Variants in MIX23 observed in about 807,000 individuals in gnomAD.
The protein encoded by MIX23 is mitochondrial matrix import factor 23.
In MIX23, 13 loss-of-function variants were observed where a neutral mutation model predicts 21.6. The ratio of observed to expected loss-of-function variants is 0.60; its 90% CI spans 0.39 to 0.96. MIX23 has a LOEUF of 0.96. Among genes scored for constraint, MIX23 ranks in the 40% least tolerant of loss-of-function variants. The probability of loss-of-function intolerance (pLI) is 0.00; values close to 1 mark genes in which losing one functional copy is unlikely to be tolerated. For missense variants in MIX23, 144 were observed against 171.2 expected, an observed-to-expected ratio of 0.84 and a Z score of 0.89; for synonymous variants, 59 against 58.0, an observed-to-expected ratio of 1.02 and a Z score of -0.08.
At chr3:122,370,761 A>G (rs2075435429) in intron 2 of MIX23, among the ~76,000 whole-genome samples, 1 of 152,222 alleles carries the variant, frequency 6.6e-6, no homozygotes. Flanking sequence ...AATTAGGACT[A>G]GGTCCCATCC....
intron 4 of MIX23, among the ~76,000 whole-genome samples, chr3:122,362,314 A>C (rs2075363811): frequency 6.6e-6 from 1 of 152,222 alleles, no homozygotes; most frequent in Admixed American, 6.5e-5. Flanking sequence ...GAGCTCAAAA[A>C]GGCTAATTTG....
chr3:122,377,778 T>A (rs968608754), intron 1 of MIX23, among the ~76,000 whole-genome samples: 1 of 151,962 alleles, frequency 6.6e-6, no homozygotes, highest in Non-Finnish European at 1.5e-5. Flanking sequence ...AGCCCAGGAG[T>A]TCAAGGTTAC....
chr3:122,381,445 G>C (rs1576241828), intron 1 of MIX23, among the ~76,000 whole-genome samples: 1 of 152,334 alleles, frequency 6.6e-6, no homozygotes, highest in East Asian at 1.9e-4. Flanking sequence ...GAAGAGATAG[G>C]CTGGGCGCCA....
chr3:122,378,838 G>T (rs994090528), intron 1 of MIX23, among the ~76,000 whole-genome samples: 16 of 152,182 alleles, frequency 1.1e-4, no homozygotes, highest in African/African-American at 3.9e-4. Context: ...GCAGACATTA[G>T]CCATGTGAGA....
At chr3:122,372,010 T>C (rs568262367) in intron 1 of MIX23, among the ~76,000 whole-genome samples, 27 of 152,288 alleles carry the variant, frequency 1.8e-4, no homozygotes, top group Non-Finnish European at 3.5e-4. Context: ...GCACCAACTC[T>C]GCCTCCTTGG....
chr3:122,360,613 T>C (rs1363234058), intron 4 of MIX23, among the ~76,000 whole-genome samples: 3 of 152,106 alleles, frequency 2.0e-5, no homozygotes, highest in African/African-American at 4.8e-5. Context: ...ATTTTTAATA[T>C]TAAAAAAATT....
intron 4 of MIX23, among the ~76,000 whole-genome samples, chr3:122,362,146 T>C (rs540558089): frequency 6.6e-6 from 1 of 152,316 alleles, no homozygotes; most frequent in Non-Finnish European, 1.5e-5. Flanking sequence ...ACAAGAACTA[T>C]GCAATGATAA....
At chr3:122,370,978 C>G (rs905747275) in intron 2 of MIX23, among the ~76,000 whole-genome samples, 2 of 152,188 alleles carry the variant, frequency 1.3e-5, no homozygotes, top group East Asian at 3.8e-4. Context: ...GCCTTCTTTA[C>G]GACTATGAAT....
At chr3:122,373,560 C>A (rs1284671260) in intron 1 of MIX23, among the ~76,000 whole-genome samples, 1 of 152,224 alleles carries the variant, frequency 6.6e-6, no homozygotes, top group African/African-American at 2.4e-5. Context: ...AGGCAAAAGC[C>A]ACCGCACCCA....
At chr3:122,377,941 G>T (rs779998786) in intron 1 of MIX23, among the ~76,000 whole-genome samples, 18 of 152,226 alleles carry the variant, frequency 1.2e-4, no homozygotes, top group Admixed American at 6.5e-4. Context: ...TATAAATAGA[G>T]TGTTTAATGG....
At chr3:122,366,980 G>A (rs1238171582) in intron 3 of MIX23, among the ~76,000 whole-genome samples, 1 of 152,062 alleles carries the variant, frequency 6.6e-6, no homozygotes, top group African/African-American at 2.4e-5. Flanking sequence ...TTGTACACTG[G>A]TCCTGTAGGA....
chr3:122,360,302 A>C (rs754232467), intron 4 of MIX23, among the ~76,000 whole-genome samples: 45 of 152,228 alleles, frequency 3.0e-4, no homozygotes, highest in Non-Finnish European at 5.1e-4. Flanking sequence ...GTCCACATGG[A>C]ACTGTGTTAA....
At chr3:122,368,418 A>T in intron 2 of MIX23, 96 bp from the exon 3 acceptor site, 5 of 1,201,876 alleles carry the variant, frequency 4.2e-6, no homozygotes, top group Non-Finnish European at 5.6e-6. Flanking sequence ...ATAGAAATTC[A>T]ATACTTTCTA....
At chr3:122,369,259 T>C (rs6438725) in intron 2 of MIX23, among the ~76,000 whole-genome samples, 30,307 of 152,176 alleles carry the variant, frequency 0.2, 3,645 homozygotes, top group African/African-American at 0.33. Flanking sequence ...CATTGAAATT[T>C]ACAAGTTTTA....
chr3:122,381,729 A>G (rs764349959), intron 1 of MIX23, among the ~76,000 whole-genome samples: 2 of 24,396 alleles, frequency 8.2e-5, no homozygotes, highest in South Asian at 2.8e-3. Flanking sequence ...AAAAAAAAAT[A>G]AAAAAAAAAA....
chr3:122,364,171 C>T (rs1213703034), intron 3 of MIX23, among the ~76,000 whole-genome samples: 1 of 152,208 alleles, frequency 6.6e-6, no homozygotes, highest in African/African-American at 2.4e-5. Flanking sequence ...AATGGAACTT[C>T]GGACAGATCC....
chr3:122,370,582 T>C (rs2075434093), intron 2 of MIX23, among the ~76,000 whole-genome samples: 1 of 150,980 alleles, frequency 6.6e-6, no homozygotes, highest in African/African-American at 2.4e-5. Context: ...ATCACTACAC[T>C]ATAAACGTCT....
chr3:122,370,876 C>G (rs1219275494), intron 2 of MIX23, among the ~76,000 whole-genome samples: 1 of 152,170 alleles, frequency 6.6e-6, no homozygotes, highest in African/African-American at 2.4e-5. Context: ...TAACACAGAA[C>G]AAAAATATCA....
At chr3:122,374,515 A>G (rs2075468087) in intron 1 of MIX23, among the ~76,000 whole-genome samples, 1 of 152,228 alleles carries the variant, frequency 6.6e-6, no homozygotes, top group Admixed American at 6.5e-5. Context: ...ATGCTATGTA[A>G]ATAGGTGTTA....
Sources: gnomAD v4.1 joint callset for allele counts (sites outside exome capture counted in the v4.1 genomes callset) on GRCh38, gnomAD v4.1.1 for gene constraint, MANE v1.5 for transcripts, NCBI Gene and HGNC (gene_info 2026-07-23, HGNC 2026-07-21) for gene names.